Variants in ADAP1 observed in about 807,000 individuals in gnomAD.
ADAP1 encodes the protein arf-GAP with dual PH domain-containing protein 1.
Under a neutral mutation model 54.9 loss-of-function variants are expected in ADAP1, and 31 were observed. That is an observed-to-expected ratio of 0.56 (90% confidence interval 0.42 to 0.76). ADAP1 has a LOEUF of 0.76. Ranked by LOEUF, ADAP1 falls within the 30% of genes least tolerant of loss-of-function variation. The pLI, the probability that ADAP1 is intolerant of heterozygous loss-of-function variation, is 0.00. For synonymous variants in ADAP1, 313 were observed against 202.6 expected (o/e 1.55, Z -4.63); for missense variants, 535 against 512.4 (o/e 1.04, Z -0.42).
chr7:903,948 C>T (rs1441055511), intron 6 of ADAP1, 178 bp downstream of exon 6: 9 of 771,324 alleles, frequency 1.2e-5, no homozygotes, highest in Non-Finnish European at 1.8e-5. Context: ...TGCCCACACT[C>T]CCACACGTCC....
intron 3 of ADAP1, among the ~76,000 whole-genome samples, chr7:921,682 C>A (rs180741483): frequency 6.2e-4 from 94 of 152,330 alleles, no homozygotes; most frequent in Non-Finnish European, 1.1e-3. Flanking sequence ...TTTCGGGGGA[C>A]ACCGTGCAGC....
chr7:903,528 A>C (rs997151345), intron 6 of ADAP1, among the ~76,000 whole-genome samples: 2 of 152,220 alleles, frequency 1.3e-5, no homozygotes, highest in Admixed American at 6.5e-5. Flanking sequence ...CATAGAAACA[A>C]GAACCTAAGT....
intron 3 of ADAP1, among the ~76,000 whole-genome samples, chr7:924,689 CACCCAGG>C (rs1048033699): frequency 2.6e-4 from 39 of 151,414 alleles, no homozygotes; most frequent in African/African-American, 9.2e-4. Context: ...GGAGTCTCCT[CACCCAGG>C]ACCCAACAGC....
chr7:922,549 A>C (rs1846227653), intron 3 of ADAP1, among the ~76,000 whole-genome samples: 1 of 152,094 alleles, frequency 6.6e-6, no homozygotes, highest in Admixed American at 6.5e-5. Context: ...TGTGACCCCC[A>C]TAGCGGGTGC....
chr7:907,809 G>C (rs945250388), intron 4 of ADAP1, among the ~76,000 whole-genome samples: 1 of 152,162 alleles, frequency 6.6e-6, no homozygotes, highest in Non-Finnish European at 1.5e-5. Context: ...GGGTCGAGCA[G>C]GTCCTCAGTG....
chr7:906,630 A>AGAAAGGAGAAAGG (rs1312797465), intron 4 of ADAP1, among the ~76,000 whole-genome samples: 7 of 76,348 alleles, frequency 9.2e-5, no homozygotes, highest in Non-Finnish European at 1.5e-4. Context: ...AGGAGAAAGG[A>AGAAAGGAGAAAGG]GAAAGGAGAA....
At chr7:931,777 A>AG (rs1333950369) in intron 2 of ADAP1, among the ~76,000 whole-genome samples, 3 of 151,466 alleles carry the variant, frequency 2.0e-5, no homozygotes, top group Non-Finnish European at 2.9e-5. Context: ...TAGGGAGAAA[A>AG]AAAAAAAAAA....
In ADAP1 at chr7:900,875, AGGGCCG is replaced by A. The variant is rs1844769850; in HGVS notation, c.649-265_649-260del. 3 of 616,898 alleles carry A rather than the reference AGGGCCG, an allele frequency of 4.9e-6. No homozygotes were observed. In the African/African-American group the frequency reaches 5.6e-5, roughly 12 times the overall value. The allele number at this position is 616,898 out of a possible 1,614,324, so 38.2% of individuals were successfully genotyped here. ...CCGGCGAAGTCCTGAGAAGGGCCGA[AGGGCCG>A]AAGGGCCGGGCCGGGCCGGGCTGGA... On this transcript the variant is annotated intron_variant, in intron 6 of 10. Coordinates refer to ENST00000265846, the MANE Select transcript of ADAP1 (RefSeq NM_006869.4).
chr7:935,547 G>T, intron 1 of ADAP1, 42 bp from the exon 2 acceptor site: 1 of 1,550,234 alleles, frequency 6.5e-7, no homozygotes, highest in South Asian at 1.2e-5. Context: ...TCAGCCCAGG[G>T]ACCCCGGAGG....
intron 4 of ADAP1, among the ~76,000 whole-genome samples, chr7:919,044 G>A (rs529869120): frequency 9.2e-5 from 14 of 152,192 alleles, no homozygotes; most frequent in African/African-American, 3.4e-4. Context: ...TGGCCTCCCA[G>A]GCCCCCATGG....
chr7:899,026 C>T lies in ADAP1; in HGVS notation c.1096+7G>A. ...CTTCCAGGCCGCCGGCCGCCCGCCC[C>T]CCTCACCTGCGTACTCCTGGGGCAG... On this transcript the variant is annotated splice_region_variant and intron_variant, in intron 10 of 10. Transcript: ENST00000265846. 2 of 1,609,762 alleles carry T rather than the reference C, an allele frequency of 1.2e-6. No individual in the cohort carries two copies. The highest frequency in any genetic ancestry group is 2.2e-5 in the East Asian group (1 of 44,856).
chr7:905,031 C>A (rs1474869177), intron 5 of ADAP1, 29 bp downstream of exon 5: 3 of 1,586,306 alleles, frequency 1.9e-6, no homozygotes, highest in South Asian at 1.1e-5. Context: ...CTGGGACAGG[C>A]CCCCACCCCA....
At chr7:927,023 G>A (rs1297711077) in intron 2 of ADAP1, 2 of 1,259,022 alleles carry the variant, frequency 1.6e-6, no homozygotes, top group African/African-American at 3.1e-5. Context: ...CAGAGAGCGA[G>A]GGCTTCCTCG....
intron 4 of ADAP1, among the ~76,000 whole-genome samples, chr7:911,806 G>A: frequency 6.6e-6 from 1 of 151,194 alleles, no homozygotes. Context: ...GGCCAGGAAG[G>A]GGGCGGGGGA....
intron 4 of ADAP1, among the ~76,000 whole-genome samples, chr7:915,046 G>A (rs1216430681): frequency 7.8e-5 from 5 of 64,330 alleles, no homozygotes; most frequent in African/African-American, 1.7e-4. Flanking sequence ...TCTGGCTGGC[G>A]TGCCTGGTGC....
At chr7:918,842 G>A (rs1846040963) in intron 4 of ADAP1, among the ~76,000 whole-genome samples, 1 of 149,108 alleles carries the variant, frequency 6.7e-6, no homozygotes, top group Non-Finnish European at 1.5e-5. Context: ...ACAGGAGGAG[G>A]AAGCCAGCCC....
At position 946,942 on chromosome 7, in the gene ADAP1, G is replaced by A. The variant is rs946401379; in HGVS notation, c.82+7454C>T. Among the ~76,000 whole-genome samples the A allele has an allele frequency of 1.3e-5, 2 of 152,156 alleles. No individual in the cohort carries two copies. The highest frequency in any genetic ancestry group is 1.3e-4 in the Admixed American group (2 of 15,286). Reference sequence around the variant, plus strand: ...AGCCCAGGAGTTCGAGACCAGCCTGGGCAACATAGTGAGACACCGCGACTC... The same window carrying A: ...AGCCCAGGAGTTCGAGACCAGCCTGAGCAACATAGTGAGACACCGCGACTC... On this transcript the variant is annotated intron_variant, in intron 1 of 10. Transcript: ENST00000265846. The surrounding 1 kb of genome is among the most constrained non-coding windows in gnomAD (Gnocchi z 4.3).
At chr7:906,789 G>GAC (rs1845467837) in intron 4 of ADAP1, among the ~76,000 whole-genome samples, 9 of 45,424 alleles carry the variant, frequency 2.0e-4, no homozygotes, top group East Asian at 1.9e-3. Context: ...GGACACGGGG[G>GAC]ACGGGACAGG....
At position 944,401 on chromosome 7, in the gene ADAP1, C is replaced by T. The variant is rs984081077; in HGVS notation, c.83-8896G>A. Among the ~76,000 whole-genome samples the T allele has an allele frequency of 5.1e-4, 77 of 151,792 alleles. 1 individual carries two copies. The highest frequency in any genetic ancestry group is 6.3e-4 in the Non-Finnish European group (43 of 67,962). On this transcript the variant is annotated intron_variant, in intron 1 of 10. Coordinates refer to ENST00000265846, the MANE Select transcript of ADAP1 (RefSeq NM_006869.4). ...TCCCAAGTAGCTGGGATTACAGGCG[C>T]CCGCCACCATGCCTGGCTAATTTTT... is the stretch of plus-strand genomic sequence containing the variant.
Sources: gnomAD v4.1 joint callset for allele counts (sites outside exome capture counted in the v4.1 genomes callset) on GRCh38, gnomAD v4.1.1 for gene constraint, Gnocchi (gnomAD v3.1) non-coding constraint, MANE v1.5 for transcripts, NCBI Gene and HGNC (gene_info 2026-07-23, HGNC 2026-07-21) for gene names.